Variants in SDK1 observed in about 807,000 individuals in gnomAD.
SDK1 encodes protein sidekick-1.
Under a neutral mutation model 245.5 loss-of-function variants are expected in SDK1, and 157 were observed. The observed-to-expected ratio is 0.64, with a 90% CI of 0.56 to 0.73. SDK1 has a LOEUF of 0.73. SDK1 is among the 30% of genes least tolerant of loss of function. The pLI is 0.00. For synonymous variants in SDK1, 1,647 were observed against 1,278.5 expected (o/e 1.29, Z -6.15); for missense variants, 3,583 against 3,002.3 (o/e 1.19, Z -4.52).
chr7:4,060,234 G>C (rs1244765065), intron 19 of SDK1, among the ~76,000 whole-genome samples: 4 of 152,066 alleles, frequency 2.6e-5, no homozygotes, highest in Non-Finnish European at 5.9e-5. Flanking sequence ...AAACCTACAG[G>C]ATACAGCAAA....
intron 1 of SDK1, among the ~76,000 whole-genome samples, chr7:3,318,894 G>A (rs12700790): frequency 0.11 from 16,816 of 152,166 alleles, 1,194 homozygotes; most frequent in African/African-American, 0.19. Flanking sequence ...TTTTGTGATT[G>A]GGATTTCAGC....
At chr7:3,464,411 C>T (rs1780926093) in intron 1 of SDK1, among the ~76,000 whole-genome samples, 2 of 152,102 alleles carry the variant, frequency 1.3e-5, no homozygotes, top group African/African-American at 4.8e-5. Flanking sequence ...GCCCCAGCTA[C>T]ACAGGAGACT....
chr7:4,077,049 A>T lies in SDK1; in HGVS notation c.3062A>T (p.His1021Leu), dbSNP rs774269235. The change falls in exon 21 of 45, where the codon CAC becomes CTC. Residue 1021 changes from histidine (H) to leucine (L), a missense_variant. By Grantham distance (99) the His-to-Leu change is moderately conservative (BLOSUM62 -3). Transcript: ENST00000404826. ...GGCAGGAACGACTCTCGTCTCACGCACACCCTGAACAGCACGACGCACGAG... is the reference window on the plus strand; with the variant it reads ...GGCAGGAACGACTCTCGTCTCACGCTCACCCTGAACAGCACGACGCACGAG... ...VYGRNDSRLT[H>L]TLNSTTHEYK... The T allele has an allele frequency of 7.4e-6, 12 of 1,614,174 alleles. No homozygotes were observed. The highest frequency in any genetic ancestry group is 2.2e-5 in the East Asian group (1 of 44,876).
At chr7:4,125,627 C>T (rs1409630153) in intron 25 of SDK1, among the ~76,000 whole-genome samples, 1 of 152,180 alleles carries the variant, frequency 6.6e-6, no homozygotes, top group Non-Finnish European at 1.5e-5. Flanking sequence ...GTTCTTGGAG[C>T]CCTAGTAGGG....
chr7:3,716,130 AT>A (rs200912910), intron 4 of SDK1, among the ~76,000 whole-genome samples: 3,554 of 149,916 alleles, frequency 0.024, 136 homozygotes, highest in African/African-American at 0.084. Flanking sequence ...AAAAAAAAAA[AT>A]GAACAGAGGC....
intron 2 of SDK1, among the ~76,000 whole-genome samples, chr7:3,621,894 A>G (rs1288225680): frequency 1.3e-5 from 2 of 152,144 alleles, no homozygotes; most frequent in Non-Finnish European, 2.9e-5. Context: ...CAACTTAACA[A>G]TTTTTTGACT....
At chr7:3,955,867 G>A (rs979699150) in intron 7 of SDK1, among the ~76,000 whole-genome samples, 1 of 152,152 alleles carries the variant, frequency 6.6e-6, no homozygotes, top group African/African-American at 2.4e-5. Flanking sequence ...AGAGGCCCTT[G>A]GTTTGGGGGC....
intron 5 of SDK1, among the ~76,000 whole-genome samples, chr7:3,847,917 C>T (rs1780320671): frequency 6.6e-6 from 1 of 152,178 alleles, no homozygotes; most frequent in Admixed American, 6.5e-5. Context: ...GCACCCCTCC[C>T]AGAATTAGAC....
At chr7:3,550,808 T>C (rs1289009403) in intron 1 of SDK1, among the ~76,000 whole-genome samples, 1 of 152,242 alleles carries the variant, frequency 6.6e-6, no homozygotes, top group African/African-American at 2.4e-5. Context: ...TTTCCTTCTA[T>C]TTTCATGTTT....
At position 3,615,125 on chromosome 7, in the gene SDK1, G is replaced by A. The variant is rs79040417; in HGVS notation, c.299-3955G>A. ...TTCTATCTCGAAGCTTTTCCCTTTCGAAAAGATGTATGTTTTCTATGACTC... is the reference window on the plus strand; with the variant it reads ...TTCTATCTCGAAGCTTTTCCCTTTCAAAAAGATGTATGTTTTCTATGACTC... On this transcript the variant is annotated intron_variant, in intron 1 of 44. Coordinates refer to ENST00000404826, the MANE Select transcript of SDK1 (RefSeq NM_152744.4). Among the ~76,000 whole-genome samples, 634 of 151,518 alleles carry A rather than the reference G, an allele frequency of 4.2e-3. 11 individuals carry two copies. The highest frequency in any genetic ancestry group is 0.014 in the African/African-American group (594 of 41,456).
intron 22 of SDK1, among the ~76,000 whole-genome samples, chr7:4,097,206 G>A (rs1281741383): frequency 6.6e-6 from 1 of 152,224 alleles, no homozygotes; most frequent in Non-Finnish European, 1.5e-5. Flanking sequence ...AAGATGGCAA[G>A]ACGGCCTGGG....
At chr7:3,831,491 C>A (rs1351822901) in intron 5 of SDK1, among the ~76,000 whole-genome samples, 1 of 152,176 alleles carries the variant, frequency 6.6e-6, no homozygotes, top group Non-Finnish European at 1.5e-5. Context: ...ATTGTCTTTT[C>A]ATATCTCCTC....
intron 5 of SDK1, among the ~76,000 whole-genome samples, chr7:3,828,472 A>G (rs1253101109): frequency 6.6e-6 from 1 of 151,900 alleles, no homozygotes; most frequent in African/African-American, 2.4e-5. Context: ...TCATTGAGAG[A>G]TGCATTTCTA....
chr7:3,933,857 G>T (rs1780064927), intron 5 of SDK1, among the ~76,000 whole-genome samples: 1 of 152,196 alleles, frequency 6.6e-6, no homozygotes, highest in South Asian at 2.1e-4. Context: ...GGTCCATGGA[G>T]TGCCCTTTGT....
chr7:4,220,036 C>T (rs899823646), intron 38 of SDK1, 73 bp from the exon 39 acceptor site: 3 of 1,536,122 alleles, frequency 2.0e-6, no homozygotes, highest in Middle Eastern at 1.7e-4. Context: ...CTTGTTATCG[C>T]AACAGAACAG....
At position 3,593,079 on chromosome 7, in the gene SDK1, C is replaced by G. The variant is rs934360075; in HGVS notation, c.299-26001C>G. Among the ~76,000 whole-genome samples the G allele has an allele frequency of 2.0e-5, 3 of 152,180 alleles. No individual in the cohort carries two copies. The East Asian group carries it at 5.8e-4, about 29-fold the overall frequency. On this transcript the variant is annotated intron_variant, in intron 1 of 44. Coordinates refer to ENST00000404826, the MANE Select transcript of SDK1 (RefSeq NM_152744.4). ...TGCAGAAGAGAATTTTGCCTCTGTC[C>G]TGCTAATGGGGAACATATTTAACTT...
chr7:3,561,924 ACATTTGCTTT>A (rs1326023418), intron 1 of SDK1, among the ~76,000 whole-genome samples: 1 of 152,260 alleles, frequency 6.6e-6, no homozygotes, highest in Admixed American at 6.5e-5. Flanking sequence ...TTTCAAATGC[ACATTTGCTTT>A]CATTTTCTTG....
chr7:3,983,909 G>A (rs377518601), intron 13 of SDK1, among the ~76,000 whole-genome samples: 128 of 152,316 alleles, frequency 8.4e-4, no homozygotes, highest in African/African-American at 2.9e-3. Context: ...GGACGTGTGC[G>A]TCTCTGCACA....
intron 4 of SDK1, among the ~76,000 whole-genome samples, chr7:3,646,599 G>A (rs1210077828): frequency 1.3e-5 from 2 of 152,178 alleles, no homozygotes; most frequent in African/African-American, 4.8e-5. Context: ...CTGACACTCA[G>A]TCTCATGCTC....
Sources: gnomAD v4.1 joint callset for allele counts (sites outside exome capture counted in the v4.1 genomes callset) on GRCh38, gnomAD v4.1.1 for gene constraint, MANE v1.5 for transcripts, NCBI Gene and HGNC (gene_info 2026-07-23, HGNC 2026-07-21) for gene names.